The following GFRA2 variants were observed in gnomAD, a reference collection of about 807,000 sequenced individuals.
GFRA2 encodes GDNF family receptor alpha-2.
A neutral mutation model predicts 48.3 loss-of-function variants in GFRA2; 17 were observed. The ratio of observed to expected loss-of-function variants is 0.35; its 90% CI spans 0.24 to 0.53. The LOEUF is 0.53. GFRA2 is among the 20% of genes least tolerant of loss of function. The probability of loss-of-function intolerance (pLI) is 0.93; values close to 1 mark genes in which losing one functional copy is unlikely to be tolerated. For synonymous variants in GFRA2, 305 were observed against 257.2 expected, an observed-to-expected ratio of 1.19 and a Z score of -1.78; for missense variants, 660 against 637.3, an observed-to-expected ratio of 1.04 and a Z score of -0.38.
rs185468204 is a variant in GFRA2, at chr8:21,806,495, T to G, written c.-147-1367A>C. The stretch of plus-strand genomic sequence containing the variant: ...AGTGCATTTTTTTGAGATAGTGTCT[T>G]GCTCTTGTCACCCAGACTGGAGTGC... On this transcript the variant is annotated intron_variant, in intron 1 of 10. Transcript: ENST00000517328. Among the ~76,000 whole-genome samples the G allele has an allele frequency of 2.9e-3, 435 of 152,340 alleles. 2 individuals are homozygous for G. The highest frequency in any genetic ancestry group is 9.1e-3 in the African/African-American group (377 of 41,588).
At position 21,780,461 on chromosome 8, in the gene GFRA2, C is replaced by T. The variant is rs893051779; in HGVS notation, c.355+2124G>A. 9.9e-5 allele frequency among the ~76,000 whole-genome samples: 15 copies of T among 152,250 alleles called. 1 individual carries two copies. In the Middle Eastern group the frequency reaches 0.01, roughly 104 times the overall value. ...CCCTGCAGGCTCCCTTCCCCACATCCTTAAATACCATGGTCTCCGGGGTCT... is the reference window on the plus strand; with the variant it reads ...CCCTGCAGGCTCCCTTCCCCACATCTTTAAATACCATGGTCTCCGGGGTCT... On this transcript the variant is annotated intron_variant, in intron 2 of 8. Transcript: ENST00000524240.
intron 2 of GFRA2, among the ~76,000 whole-genome samples, chr8:21,800,586 C>T (rs1409320180): frequency 6.6e-6 from 1 of 152,186 alleles, no homozygotes; most frequent in Non-Finnish European, 1.5e-5. Context: ...GCCCTCTATC[C>T]TTCACACCAC....
At chr8:21,779,882 G>A (rs1250659753) in intron 2 of GFRA2, among the ~76,000 whole-genome samples, 3 of 151,776 alleles carry the variant, frequency 2.0e-5, no homozygotes, top group Non-Finnish European at 4.4e-5. Flanking sequence ...CACCTGGAGG[G>A]AGCATTTGCT....
intron 3 of GFRA2, among the ~76,000 whole-genome samples, chr8:21,769,844 G>C (rs962694674): frequency 6.6e-6 from 1 of 152,172 alleles, no homozygotes; most frequent in African/African-American, 2.4e-5. Context: ...GCAAGGGGTA[G>C]CGTTTGAGTG....
At chr8:21,747,109 T>C (rs1805044236) in intron 4 of GFRA2, among the ~76,000 whole-genome samples, 2 of 152,336 alleles carry the variant, frequency 1.3e-5, no homozygotes, top group Admixed American at 1.3e-4. Context: ...GGTCCTGGGC[T>C]TGGATTCATC....
Position 21,788,401 on chromosome 8 carries a change from C to T in GFRA2, c.-242G>A, listed in dbSNP as rs1456054422. On this transcript the variant is annotated 5_prime_UTR_variant, in exon 1 of 9. Transcript: ENST00000524240. ...CGACGCCCCCCTTGCCCGCTACAAT[C>T]AAATATACGCGTATCTGTGTATCGG... The T allele has an allele frequency of 8.3e-6, 11 of 1,327,226 alleles. 1 individual carries two copies. In the Middle Eastern group the frequency reaches 2.1e-3, roughly 251 times the overall value. 82.2% of individuals were successfully genotyped at this position (1,327,226 alleles called of 1,614,324 possible).
At position 21,729,762 on chromosome 8, in the gene GFRA2, GC is replaced by G. The variant is rs555474258; in HGVS notation, c.794+20825del. 2.6e-4 allele frequency among the ~76,000 whole-genome samples: 39 copies of G among 149,372 alleles called. No individual in the cohort carries two copies. In the South Asian group the frequency reaches 8.0e-3, roughly 31 times the overall value. ...CACTGAGTCTCCCCTCCCTCCCACC[GC>G]CACCCCCAAAGGGCTTCTCAGAGTC... On this transcript the variant is annotated intron_variant, in intron 4 of 8. Coordinates refer to ENST00000524240, the MANE Select transcript of GFRA2 (RefSeq NM_001495.5).
At chr8:21,699,278 G>GGAGGAGA (rs1258259024) in intron 7 of GFRA2, among the ~76,000 whole-genome samples, 1 of 152,236 alleles carries the variant, frequency 6.6e-6, no homozygotes, top group African/African-American at 2.4e-5. Context: ...ACAGGAGGAG[G>GGAGGAGA]GAGGAGAGAG....
chr8:21,767,131 C>G (rs1341710301), intron 3 of GFRA2, among the ~76,000 whole-genome samples: 1 of 131,176 alleles, frequency 7.6e-6, no homozygotes, highest in East Asian at 2.4e-4. Flanking sequence ...CACACACCAC[C>G]TCACACCACC....
chr8:21,719,057 C>T lies in GFRA2; in HGVS notation c.795-13016G>A, dbSNP rs577157741. On this transcript the variant is annotated intron_variant, in intron 4 of 8. Transcript: ENST00000524240. ...CCAGCCTGGAGCTCACCCAGTGTCC[C>T]CTCTCTCCTCTGGGGGAGCCATGAA... Among the ~76,000 whole-genome samples, 3 of 152,256 alleles carry T rather than the reference C, an allele frequency of 2.0e-5. No individual in the cohort carries two copies. The East Asian group carries it at 5.8e-4, about 30-fold the overall frequency.
Position 21,757,506 on chromosome 8 carries a change from C to CTTTTTTTTTTTTTTTTT in GFRA2, c.440-6565_440-6564insAAAAAAAAAAAAAAAAA, listed in dbSNP as rs5889999. ...GATTTTTTCTTTAAATTCCTTAATC[C>CTTTTTTTTTTTTTTTTT]TTTTTTTTGAATGGAGTTTCACTCT... is the stretch of plus-strand genomic sequence containing the variant. On this transcript the variant is annotated intron_variant, in intron 3 of 8. Coordinates refer to ENST00000524240, the MANE Select transcript of GFRA2 (RefSeq NM_001495.5). 1.5e-3 allele frequency among the ~76,000 whole-genome samples: 218 copies of CTTTTTTTTTTTTTTTTT among 145,550 alleles called. 2 individuals carry two copies. Among genetic ancestry groups the CTTTTTTTTTTTTTTTTT allele is most frequent in the Non-Finnish European group, 1.9e-3 (129 of 66,892 alleles).
At chr8:21,723,648 A>ACAGCCCCCCTC (rs1415598168) in intron 4 of GFRA2, among the ~76,000 whole-genome samples, 3 of 152,278 alleles carry the variant, frequency 2.0e-5, no homozygotes, top group East Asian at 3.9e-4. Context: ...GGTGGAAGGA[A>ACAGCCCCCCTC]CAGCCCCCCT....
At chr8:21,796,949 G>C (rs1807687935) in intron 2 of GFRA2, among the ~76,000 whole-genome samples, 1 of 152,132 alleles carries the variant, frequency 6.6e-6, no homozygotes, top group African/African-American at 2.4e-5. Flanking sequence ...GGCCTCCCAA[G>C]AGCTTTCTGA....
At chr8:21,764,050 C>A (rs895198353) in intron 3 of GFRA2, among the ~76,000 whole-genome samples, 6 of 151,714 alleles carry the variant, frequency 4.0e-5, no homozygotes, top group African/African-American at 1.2e-4. Flanking sequence ...ATCTCAAGCT[C>A]CAAATGGCTT....
intron 4 of GFRA2, among the ~76,000 whole-genome samples, chr8:21,726,428 A>T (rs1320600680): frequency 6.6e-6 from 1 of 152,178 alleles, no homozygotes; most frequent in Non-Finnish European, 1.5e-5. Flanking sequence ...GTAACAAATT[A>T]CCACAAACTC....
rs1802022104 is a variant in GFRA2 at position 21,694,055 on chromosome 8, T to TTTA, written c.1272+408_1272+409insTAA. ...TCATATATATGAGATATATATATAT[T>TTTA]TATATATATATTTATTTATTTTTAT... On this transcript the variant is annotated intron_variant, in intron 8 of 8. Coordinates refer to ENST00000524240, the MANE Select transcript of GFRA2 (RefSeq NM_001495.5). 6.5e-5 allele frequency among the ~76,000 whole-genome samples: 5 copies of TTTA among 77,462 alleles called. 1 individual carries two copies. The highest frequency in any genetic ancestry group is 1.2e-4 in the Admixed American group (1 of 8,522). 50.8% of individuals were successfully genotyped at this position (77,462 alleles called of 152,430 possible).
intron 3 of GFRA2, among the ~76,000 whole-genome samples, chr8:21,757,024 C>T (rs1209641559): frequency 6.6e-6 from 1 of 152,192 alleles, no homozygotes; most frequent in Non-Finnish European, 1.5e-5. Context: ...TTCTCCAAAA[C>T]CGCAGTTAAG....
intron 1 of GFRA2, among the ~76,000 whole-genome samples, chr8:21,787,607 C>A (rs1807345785): frequency 6.6e-6 from 1 of 152,154 alleles, no homozygotes; most frequent in Admixed American, 6.5e-5. Flanking sequence ...TGACTGCCAG[C>A]GCTCCCCGCG....
At position 21,702,849 on chromosome 8, in the gene GFRA2, T is replaced by C. The variant is rs1402441766; in HGVS notation, c.1174A>G (p.Thr392Ala). The change falls in exon 7 of 9, where the codon ACC becomes GCC. Residue 392 changes from threonine to alanine, a missense_variant. Physicochemically the swap from Thr to Ala is moderately conservative, Grantham distance 58. Transcript: ENST00000524240. Reference protein sequence around the residue: ...PSLPDDLSDSTSLGTSVITTC... With the variant: ...PSLPDDLSDSASLGTSVITTC... ...GTGATGACACTGGTCCCCAAGCTGG[T>C]ACTGTCACTGAGGTCATCTGGCAAA... 1 of 1,610,164 alleles carries C rather than the reference T, an allele frequency of 6.2e-7. No individual in the cohort carries two copies. Among genetic ancestry groups the C allele is most frequent in the African/African-American group, 1.3e-5 (1 of 74,600 alleles).
Sources: gnomAD v4.1 joint callset for allele counts (sites outside exome capture counted in the v4.1 genomes callset) on GRCh38, gnomAD v4.1.1 for gene constraint, MANE v1.5 for transcripts, NCBI Gene and HGNC (gene_info 2026-07-23, HGNC 2026-07-21) for gene names.